Variants in DNAH11 observed in about 807,000 individuals in gnomAD.
The protein encoded by DNAH11 is axonemal beta dynein heavy chain 11.
A neutral mutation model predicts 526.0 loss-of-function variants in DNAH11; 442 were observed. The observed-to-expected ratio is 0.84, with a 90% CI of 0.78 to 0.91. The LOEUF is 0.91. Ranked by LOEUF, DNAH11 falls within the 40% of genes least tolerant of loss-of-function variation. The pLI, the probability that DNAH11 is intolerant of heterozygous loss-of-function variation, is 0.00. For missense variants in DNAH11, 6,989 were observed against 5,448.7 expected (o/e 1.28, Z -8.90); for synonymous variants, 2,461 against 1,935.9 (o/e 1.27, Z -7.12).
chr7:21,615,935 A>G (rs543449320), intron 21 of DNAH11, among the ~76,000 whole-genome samples: 262 of 152,352 alleles, frequency 1.7e-3, no homozygotes, highest in African/African-American at 6.0e-3. Context: ...TATTCAAAGT[A>G]CACAGGATTA....
intron 30 of DNAH11, among the ~76,000 whole-genome samples, chr7:21,668,622 A>C (rs1239832134): frequency 6.6e-6 from 1 of 152,116 alleles, no homozygotes; most frequent in Non-Finnish European, 1.5e-5. Context: ...ACATTTTTCA[A>C]CGAACATATT....
rs79713482 is a variant in DNAH11 at position 21,751,931 on chromosome 7, C to T, written c.8940+1567C>T. Reference sequence around the variant, plus strand: ...TCTTTATAGAATGGGAAAACAAGTACAGTGTTAGAATTTGAGGTAGTAATA... The same window carrying T: ...TCTTTATAGAATGGGAAAACAAGTATAGTGTTAGAATTTGAGGTAGTAATA... On this transcript the variant is annotated intron_variant, in intron 54 of 81. Coordinates refer to ENST00000409508, the MANE Select transcript of DNAH11 (RefSeq NM_001277115.2). 9.9e-3 allele frequency among the ~76,000 whole-genome samples: 1,514 copies of T among 152,250 alleles called. 29 individuals carry two copies. Among genetic ancestry groups the T allele is most frequent in the African/African-American group, 0.034 (1,418 of 41,534 alleles).
intron 31 of DNAH11, among the ~76,000 whole-genome samples, chr7:21,683,384 T>C (rs190870660): frequency 1.6e-4 from 24 of 152,302 alleles, no homozygotes; most frequent in African/African-American, 5.5e-4. Flanking sequence ...ATGAACTTGG[T>C]TGAAAATGTA....
chr7:21,548,934 T>G (rs62439336), intron 2 of DNAH11, among the ~76,000 whole-genome samples: 29,443 of 150,732 alleles, frequency 0.2, 2,936 homozygotes, highest in Middle Eastern at 0.28. Context: ...CAGGCTGGAG[T>G]GCAATGGCGC....
intron 9 of DNAH11, 48 bp downstream of exon 9, chr7:21,582,069 T>C (rs373568375): frequency 6.5e-6 from 8 of 1,226,764 alleles, no homozygotes; most frequent in African/African-American, 1.5e-5. Context: ...ATGAATAATA[T>C]AGGCTGTTAA....
Position 21,548,093 on chromosome 7 carries a change from A to G in DNAH11, c.495+2944A>G, listed in dbSNP as rs115040255. On this transcript the variant is annotated intron_variant, in intron 2 of 81. Transcript: ENST00000409508. ...ATTTTTTAAAGCAACCTTCTACCCA[A>G]CCCATTAATGGGTTATTAATTTCAG... Among the ~76,000 whole-genome samples, 2 of 130,524 alleles carry G rather than the reference A, an allele frequency of 1.5e-5. 1 individual carries two copies. The highest frequency in any genetic ancestry group is 5.9e-5 in the African/African-American group (2 of 34,122). The allele number at this position is 130,524 out of a possible 152,430, so 85.6% of individuals were successfully genotyped here.
rs1236771486 is a variant in DNAH11 at position 21,655,946 on chromosome 7, G to A, written c.5059G>A (p.Val1687Ile). Residue 1687 changes from valine to isoleucine, a missense_variant, in exon 29 of 82, where the codon GTC becomes ATC. Coordinates refer to ENST00000409508, the MANE Select transcript of DNAH11 (RefSeq NM_001277115.2). ...VGMYSKEKEY[V>I]PFQAECECVG... Reference sequence around the variant, plus strand: ...AATGTACAGCAAAGAAAAGGAGTATGTCCCATTCCAAGCCGAGTGTGAATG... The same window carrying A: ...AATGTACAGCAAAGAAAAGGAGTATATCCCATTCCAAGCCGAGTGTGAATG... 1.1e-5 allele frequency: 18 copies of A among 1,610,100 alleles called. No homozygotes were observed. The highest frequency in any genetic ancestry group is 1.7e-5 in the Admixed American group (1 of 59,634).
chr7:21,732,616 C>G (rs1346006103), intron 45 of DNAH11, among the ~76,000 whole-genome samples: 1 of 152,132 alleles, frequency 6.6e-6, no homozygotes, highest in East Asian at 1.9e-4. Flanking sequence ...CAATTCAACC[C>G]CTAACAATGA....
At chr7:21,807,825 T>C (rs753848954) in intron 62 of DNAH11, 58 bp from the exon 63 acceptor site, 17 of 1,521,716 alleles carry the variant, frequency 1.1e-5, no homozygotes, top group South Asian at 3.8e-5. Context: ...GCATTAAGCA[T>C]TTGTGGAGTT....
At chr7:21,607,800 T>C (rs535915918) in intron 20 of DNAH11, among the ~76,000 whole-genome samples, 132 of 151,888 alleles carry the variant, frequency 8.7e-4, no homozygotes, top group Admixed American at 1.1e-3. Context: ...TTGCTGGGCA[T>C]GGTGGTGGGT....
At chr7:21,613,945 T>TC (rs1378802538) in intron 20 of DNAH11, among the ~76,000 whole-genome samples, 1 of 150,460 alleles carries the variant, frequency 6.6e-6, no homozygotes, top group Non-Finnish European at 1.5e-5. Context: ...TTTTTTTTTT[T>TC]TTTGCACTTT....
In DNAH11 at chr7:21,744,960, G is replaced by T; in HGVS notation, c.8407G>T (p.Asp2803Tyr). 6.2e-7 allele frequency: 1 copy of T among 1,610,618 alleles called. No homozygotes were observed. The part of the protein sequence containing the change: ...GKDPHYMPVK[D>Y]WEVLKTILTE... ...GGACCCACATTACATGCCAGTGAAG[G>T]ACTGGGAAGTGCTGAAGACGATTCT... The change falls in exon 51 of 82, where the codon GAC becomes TAC. Residue 2803 changes from aspartate (D) to tyrosine (Y), a missense_variant. By Grantham distance (160) the Asp-to-Tyr change is radical. Transcript: ENST00000409508.
intron 18 of DNAH11, among the ~76,000 whole-genome samples, chr7:21,602,662 C>A (rs1385410762): frequency 6.6e-6 from 1 of 151,914 alleles, no homozygotes; most frequent in Non-Finnish European, 1.5e-5. Context: ...AAAGCTTTCA[C>A]TGGATTCTAG....
intron 43 of DNAH11, among the ~76,000 whole-genome samples, chr7:21,719,971 C>T (rs1470819566): frequency 7.9e-5 from 12 of 152,252 alleles, no homozygotes; most frequent in Admixed American, 7.8e-4. Context: ...GTGAAGGCCT[C>T]TGCAGCAGCC....
chr7:21,784,610 TGAGCTGAGAGA>T, intron 58 of DNAH11, 70 bp downstream of exon 58: 4 of 1,133,400 alleles, frequency 3.5e-6, no homozygotes, highest in Non-Finnish European at 4.9e-6. Context: ...TTTGAATAAC[TGAGCTGAGAGA>T]GTAGCCCATT....
intron 42 of DNAH11, among the ~76,000 whole-genome samples, chr7:21,715,773 C>G (rs1294090855): frequency 1.3e-5 from 2 of 151,776 alleles, no homozygotes; most frequent in Admixed American, 6.6e-5. Context: ...AATTTTTAAA[C>G]TCTCCAGCAA....
intron 65 of DNAH11, among the ~76,000 whole-genome samples, chr7:21,819,890 C>A (rs1358208151): frequency 6.6e-6 from 1 of 152,160 alleles, no homozygotes; most frequent in African/African-American, 2.4e-5. Flanking sequence ...TATGTACTCT[C>A]TGTTAAGCCT....
chr7:21,895,598 T>G (rs374031093), intron 79 of DNAH11, among the ~76,000 whole-genome samples: 3 of 152,342 alleles, frequency 2.0e-5, no homozygotes, highest in East Asian at 3.9e-4. Flanking sequence ...ACAAAGCTGT[T>G]GATTCCTGGC....
At chr7:21,770,248 A>T (rs1787375594) in intron 55 of DNAH11, among the ~76,000 whole-genome samples, 1 of 152,140 alleles carries the variant, frequency 6.6e-6, no homozygotes, top group African/African-American at 2.4e-5. Context: ...ACATAATGAG[A>T]TATCATGGGG....
Sources: gnomAD v4.1 joint callset for allele counts (sites outside exome capture counted in the v4.1 genomes callset) on GRCh38, gnomAD v4.1.1 for gene constraint, MANE v1.5 for transcripts, NCBI Gene and HGNC (gene_info 2026-07-23, HGNC 2026-07-21) for gene names.